PRH1: variants seen among roughly 807,000 people sequenced by gnomAD.
PRH1 encodes the protein proline rich protein HaeIII subfamily 1.
PRH1 carries 7 observed loss-of-function variants against 7.9 expected under a neutral mutation model. The observed-to-expected ratio is 0.89, with a 90% confidence interval of 0.50 to 1.67. The LOEUF (loss-of-function observed/expected upper bound fraction) is 1.67. PRH1 is among the 40% of genes most tolerant of loss of function. The probability of loss-of-function intolerance (pLI) is 0.00; values close to 1 mark genes in which losing one functional copy is unlikely to be tolerated. For missense variants in PRH1, 109 were observed against 223.6 expected (o/e 0.49, Z 3.27); for synonymous variants, 45 against 80.8 (o/e 0.56, Z 2.38).
intron 1 of PRH1, among the ~76,000 whole-genome samples, chr12:11,168,906 C>T (rs2900126): frequency 2.6e-5 from 4 of 152,120 alleles, no homozygotes; most frequent in Non-Finnish European, 5.9e-5. Context: ...TATTGTGAAC[C>T]ACCCCCACCT....
chr12:10,940,579 C>T (rs915099424), intron 2 of PRH1, among the ~76,000 whole-genome samples: 3 of 152,144 alleles, frequency 2.0e-5, no homozygotes, highest in African/African-American at 7.2e-5. Context: ...CACCAAATAC[C>T]TTCACATTTT....
At chr12:10,903,408 T>C (rs751166240) in intron 2 of PRH1, among the ~76,000 whole-genome samples, 4 of 151,946 alleles carry the variant, frequency 2.6e-5, no homozygotes, top group African/African-American at 4.8e-5. Context: ...CTCAATAATA[T>C]TGGGGGACTT....
At chr12:10,974,028 A>G (rs1938968267) in intron 1 of PRH1, among the ~76,000 whole-genome samples, 1 of 152,276 alleles carries the variant, frequency 6.6e-6, no homozygotes, top group South Asian at 2.1e-4. Flanking sequence ...TGGACTAATC[A>G]TCAGGACACT....
At position 11,031,110 on chromosome 12, in the gene PRH1, A is replaced by G. The variant is rs1437804712; in HGVS notation, c.-126+15910T>C. The G allele has an allele frequency of 6.2e-7, 1 of 1,613,960 alleles. No individual in the cohort carries two copies. Among genetic ancestry groups the G allele is most frequent in the African/African-American group, 1.3e-5 (1 of 74,954 alleles). On this transcript the variant is annotated intron_variant, in intron 1 of 3. Transcript: ENST00000539853. ...GCAGTAGTTCTTACTTCTACACTATAAAAAGCTGGATTAAACACAGTTGAA... is the reference window on the plus strand; with the variant it reads ...GCAGTAGTTCTTACTTCTACACTATGAAAAGCTGGATTAAACACAGTTGAA...
intron 2 of PRH1, among the ~76,000 whole-genome samples, chr12:10,929,671 T>C (rs943922010): frequency 1.3e-5 from 2 of 152,106 alleles, no homozygotes; most frequent in Non-Finnish European, 2.9e-5. Context: ...CTGATCCCAG[T>C]AGACAGGGAT....
chr12:10,881,476 A>G (rs2298865), intron 3 of PRH1, among the ~76,000 whole-genome samples: 76,340 of 152,072 alleles, frequency 0.5, 21,463 homozygotes, highest in East Asian at 0.73. Flanking sequence ...AAACTAACCA[A>G]TAAACACTGA....
intron 2 of PRH1, among the ~76,000 whole-genome samples, chr12:10,917,951 G>A (rs563605400): frequency 7.2e-4 from 109 of 152,290 alleles, no homozygotes; most frequent in South Asian, 2.3e-3. Context: ...ACCAGAAGCT[G>A]AGCAGATATC....
At chr12:11,029,847 A>T (rs931123853) in intron 1 of PRH1, among the ~76,000 whole-genome samples, 2 of 152,202 alleles carry the variant, frequency 1.3e-5, no homozygotes, top group African/African-American at 4.8e-5. Flanking sequence ...ATTGCTTTTT[A>T]CTAAACATAA....
At chr12:11,111,109 T>C (rs1945577968) in intron 1 of PRH1, among the ~76,000 whole-genome samples, 1 of 152,222 alleles carries the variant, frequency 6.6e-6, no homozygotes. Context: ...CTAACTATCC[T>C]AAATATATGT....
intron 1 of PRH1, chr12:10,986,233 G>A (rs763506173): frequency 6.2e-7 from 1 of 1,614,114 alleles, no homozygotes; most frequent in Non-Finnish European, 8.5e-7. Context: ...CCATGGAGCT[G>A]CATCTTCTTG....
intron 1 of PRH1, among the ~76,000 whole-genome samples, chr12:11,019,831 T>C (rs1209326930): frequency 1.3e-5 from 2 of 152,292 alleles, no homozygotes; most frequent in African/African-American, 4.8e-5. Flanking sequence ...AAAACAAAAG[T>C]GTGTTTGGCA....
chr12:11,068,662 T>C (rs1267670221), intron 1 of PRH1, among the ~76,000 whole-genome samples: 2 of 152,206 alleles, frequency 1.3e-5, no homozygotes. Flanking sequence ...TAAAACATAC[T>C]ACCTGTACAA....
intron 1 of PRH1, among the ~76,000 whole-genome samples, chr12:11,154,016 G>A (rs1947182126): frequency 6.6e-6 from 1 of 152,058 alleles, no homozygotes; most frequent in African/African-American, 2.4e-5. Context: ...AAATAAAGAA[G>A]TAATATTTAA....
At chr12:10,888,394 T>G (rs749260457), upstream of PRH1, among the ~76,000 whole-genome samples, 5 of 152,192 alleles carry the variant, frequency 3.3e-5, no homozygotes, top group Non-Finnish European at 5.9e-5. Context: ...TAGACCTGGT[T>G]TGGCTCAGTG....
chr12:10,893,314 C>T (rs554041151), intron 2 of PRH1, among the ~76,000 whole-genome samples: 2 of 152,294 alleles, frequency 1.3e-5, no homozygotes, highest in African/African-American at 4.8e-5. Flanking sequence ...TGTAATTGGT[C>T]CTCCATAGCA....
intron 1 of PRH1, among the ~76,000 whole-genome samples, chr12:11,149,338 G>C (rs1565705588): frequency 6.6e-6 from 1 of 152,122 alleles, no homozygotes; most frequent in Admixed American, 6.5e-5. Flanking sequence ...GCTTTTGAAT[G>C]TGTTTGCTCT....
At chr12:10,975,027 G>C (rs193239213) in intron 1 of PRH1, among the ~76,000 whole-genome samples, 1 of 152,292 alleles carries the variant, frequency 6.6e-6, no homozygotes, top group African/African-American at 2.4e-5. Flanking sequence ...CGGCATAATT[G>C]AGCAAGCTGG....
intron 1 of PRH1, among the ~76,000 whole-genome samples, chr12:11,129,619 C>T (rs1015311623): frequency 3.3e-5 from 5 of 152,298 alleles, no homozygotes; most frequent in African/African-American, 1.2e-4. Context: ...TAAATCAACA[C>T]TCACAAATGC....
At chr12:11,027,114 A>G (rs1177183035) in intron 1 of PRH1, among the ~76,000 whole-genome samples, 1 of 151,884 alleles carries the variant, frequency 6.6e-6, no homozygotes, top group Non-Finnish European at 1.5e-5. Context: ...AAAATACAAA[A>G]ATTAGCCAGG....
Sources: allele counts gnomAD v4.1 joint callset (sites outside exome capture counted in the v4.1 genomes callset), GRCh38; gene constraint gnomAD v4.1.1; transcripts MANE v1.5; gene names NCBI Gene and HGNC (gene_info 2026-07-23, HGNC 2026-07-21).